Variants in CSMD1 observed in about 807,000 individuals in gnomAD.
The protein encoded by CSMD1 is CUB and sushi domain-containing protein 1.
Under a neutral mutation model 417.5 loss-of-function variants are expected in CSMD1, and 213 were observed. The observed-to-expected ratio is 0.51, with a 90% CI of 0.46 to 0.57. The LOEUF is 0.57. Among genes scored for constraint, CSMD1 ranks in the 20% least tolerant of loss-of-function variants. The probability of loss-of-function intolerance (pLI) is 0.00; values close to 1 mark genes in which losing one functional copy is unlikely to be tolerated. For synonymous variants in CSMD1, 2,862 were observed against 1,736.8 expected, an observed-to-expected ratio of 1.65 and a Z score of -16.11; for missense variants, 6,923 against 4,529.7, an observed-to-expected ratio of 1.53 and a Z score of -15.17.
chr8:4,426,523 A>ATTTATATATT (rs1797566336), intron 2 of CSMD1, among the ~76,000 whole-genome samples: 1 of 147,602 alleles, frequency 6.8e-6, no homozygotes, highest in African/African-American at 2.5e-5. Context: ...TAAAGACTGT[A>ATTTATATATT]GTATTTTATA....
chr8:4,579,658 G>A (rs1799322122), intron 2 of CSMD1, among the ~76,000 whole-genome samples: 1 of 151,884 alleles, frequency 6.6e-6, no homozygotes, highest in Non-Finnish European at 1.5e-5. Flanking sequence ...CATCATGCCC[G>A]GCCTTAAACC....
At chr8:4,563,160 C>G (rs2466733) in intron 2 of CSMD1, among the ~76,000 whole-genome samples, 94,308 of 151,916 alleles carry the variant, frequency 0.62, 29,600 homozygotes, top group East Asian at 0.71. Context: ...TCAGCACTTT[C>G]GGAGGCCGAG....
At position 4,925,215 on chromosome 8, in the gene CSMD1, GTT is replaced by G. The variant is rs10692207; in HGVS notation, c.85+69115_85+69116del. Among the ~76,000 whole-genome samples the G allele has an allele frequency of 5.5e-5, 4 of 72,736 alleles. No individual in the cohort carries two copies. In the East Asian group the frequency reaches 2.0e-3, roughly 37 times the overall value. 47.7% of individuals were successfully genotyped at this position (72,736 alleles called of 152,430 possible). A position where few individuals can be genotyped will look rare whatever the true frequency, so the allele number is the denominator to read the frequency against. On this transcript the variant is annotated intron_variant, in intron 1 of 69. Transcript: ENST00000635120. The stretch of plus-strand genomic sequence containing the variant: ...AAACATGGTGAATACCAGTTTTATG[GTT>G]TTTTTTTTTTTTTTTTTTTTTTTGC...
At chr8:3,626,166 CTA>C (rs1796483188) in intron 7 of CSMD1, among the ~76,000 whole-genome samples, 1 of 152,164 alleles carries the variant, frequency 6.6e-6, no homozygotes, top group Non-Finnish European at 1.5e-5. Flanking sequence ...AGCGACGTCT[CTA>C]TGCCTCCGGC....
intron 3 of CSMD1, among the ~76,000 whole-genome samples, chr8:4,365,543 C>G (rs1408986053): frequency 3.7e-4 from 56 of 152,182 alleles, no homozygotes. Flanking sequence ...ATATCAGAGA[C>G]AGTTACTTAT....
At chr8:4,375,110 G>C (rs1259619690) in intron 3 of CSMD1, among the ~76,000 whole-genome samples, 1 of 152,040 alleles carries the variant, frequency 6.6e-6, no homozygotes, top group Non-Finnish European at 1.5e-5. Flanking sequence ...CAGACCTGAA[G>C]AACGAAGTCA....
chr8:4,193,002 C>T (rs921981216), intron 3 of CSMD1, among the ~76,000 whole-genome samples: 4 of 152,186 alleles, frequency 2.6e-5, no homozygotes, highest in Admixed American at 6.5e-5. Flanking sequence ...GCAATCATAT[C>T]TTTGTAACTC....
rs1225412865 is a variant in CSMD1, at chr8:4,267,045, C to A, written c.415+152908G>T. Among the ~76,000 whole-genome samples, 12 of 103,418 alleles carry A rather than the reference C, an allele frequency of 1.2e-4. 1 individual carries two copies. The highest frequency in any genetic ancestry group is 3.1e-4 in the African/African-American group (12 of 38,408). The allele number at this position is 103,418 out of a possible 152,430, so 67.8% of individuals were successfully genotyped here. A position where few individuals can be genotyped will look rare whatever the true frequency, so the allele number is the denominator to read the frequency against. On this transcript the variant is annotated intron_variant, in intron 3 of 69. Coordinates refer to ENST00000635120, the MANE Select transcript of CSMD1 (RefSeq NM_033225.6). Reference sequence around the variant, plus strand: ...TAAAACCTAGTAATGTAACAGAAACCATTCCTGTTAAAGAGACAAGAATAG... The same window carrying A: ...TAAAACCTAGTAATGTAACAGAAACAATTCCTGTTAAAGAGACAAGAATAG...
intron 5 of CSMD1, among the ~76,000 whole-genome samples, chr8:3,884,109 A>G (rs145613697): frequency 3.7e-4 from 56 of 152,340 alleles, no homozygotes; most frequent in African/African-American, 1.3e-3. Context: ...ATTGAAAAGT[A>G]ATTAACAATG....
At chr8:4,803,147 A>G (rs1293688996) in intron 1 of CSMD1, among the ~76,000 whole-genome samples, 2 of 152,196 alleles carry the variant, frequency 1.3e-5, no homozygotes, top group African/African-American at 2.4e-5. Context: ...ACAATGGACT[A>G]TATATGAATA....
chr8:4,789,940 AC>A (rs780407193), intron 1 of CSMD1, among the ~76,000 whole-genome samples: 30 of 152,292 alleles, frequency 2.0e-4, no homozygotes, highest in Middle Eastern at 3.4e-3. Flanking sequence ...AGAAAAATGT[AC>A]CCGAAAAACG....
intron 5 of CSMD1, among the ~76,000 whole-genome samples, chr8:3,763,606 A>C (rs773613330): frequency 1.1e-4 from 17 of 152,270 alleles, no homozygotes; most frequent in African/African-American, 4.1e-4. Flanking sequence ...TGAGCCAAAT[A>C]AACCTCTGTT....
chr8:4,046,020 A>G (rs770018672), intron 3 of CSMD1, among the ~76,000 whole-genome samples: 1 of 152,168 alleles, frequency 6.6e-6, no homozygotes, highest in Non-Finnish European at 1.5e-5. Flanking sequence ...TTGTATTCAA[A>G]TATAAAATTT....
intron 2 of CSMD1, among the ~76,000 whole-genome samples, chr8:4,488,856 A>G (rs918492959): frequency 1.3e-5 from 2 of 152,138 alleles, no homozygotes; most frequent in African/African-American, 2.4e-5. Flanking sequence ...CCCTGTCCTT[A>G]TGATAAAACG....
At chr8:4,568,451 A>T (rs1798723613) in intron 2 of CSMD1, among the ~76,000 whole-genome samples, 1 of 152,006 alleles carries the variant, frequency 6.6e-6, no homozygotes. Context: ...ACATGAACTC[A>T]TTCTTTTTTT....
chr8:3,722,592 T>G (rs1329401367), intron 6 of CSMD1, among the ~76,000 whole-genome samples: 3 of 152,138 alleles, frequency 2.0e-5, no homozygotes, highest in Non-Finnish European at 4.4e-5. Context: ...TAACTCACCT[T>G]AAAAGGACCC....
At chr8:4,410,541 C>T (rs1028538473) in intron 3 of CSMD1, among the ~76,000 whole-genome samples, 4 of 152,268 alleles carry the variant, frequency 2.6e-5, no homozygotes, top group African/African-American at 4.8e-5. Flanking sequence ...AGACATCATC[C>T]ACTCTCATTT....
chr8:4,776,205 C>G (rs1796844895), intron 1 of CSMD1, among the ~76,000 whole-genome samples: 2 of 151,834 alleles, frequency 1.3e-5, no homozygotes, highest in African/African-American at 4.8e-5. Context: ...CATGGTCACT[C>G]TAGGAAGTAT....
At chr8:4,887,119 A>C (rs1413862797) in intron 1 of CSMD1, among the ~76,000 whole-genome samples, 2 of 152,046 alleles carry the variant, frequency 1.3e-5, no homozygotes, top group Non-Finnish European at 2.9e-5. Flanking sequence ...TACAGCTATA[A>C]ATATTCATCT....
Sources: allele counts gnomAD v4.1 joint callset (sites outside exome capture counted in the v4.1 genomes callset), GRCh38; gene constraint gnomAD v4.1.1; transcripts MANE v1.5; gene names NCBI Gene and HGNC (gene_info 2026-07-23, HGNC 2026-07-21).